The following IFT172 variants were observed in gnomAD, a reference collection of about 807,000 sequenced individuals.
The protein encoded by IFT172 is intraflagellar transport 172, also known as intraflagellar transport protein 172 homolog.
IFT172 carries 164 observed loss-of-function variants against 248.9 expected under a neutral mutation model. That is an observed-to-expected ratio of 0.66 (90% CI 0.58 to 0.75). The LOEUF is 0.75. IFT172 is among the 30% of genes least tolerant of loss of function. The probability of loss-of-function intolerance (pLI) is 0.00; values close to 1 mark genes in which losing one functional copy is unlikely to be tolerated. For missense variants in IFT172, 1,950 were observed against 2,192.4 expected (o/e 0.89, Z 2.21); for synonymous variants, 729 against 791.6 (o/e 0.92, Z 1.33).
At chr2:27,466,041 T>C (rs542911705) in intron 16 of IFT172, 159 bp from the exon 17 acceptor site, 1 of 795,188 alleles carries the variant, frequency 1.3e-6, no homozygotes, top group Non-Finnish European at 2.1e-6. Flanking sequence ...CATAAAAAAA[T>C]ACTTCATTTA....
chr2:27,483,599 CGTA>C lies in IFT172; in HGVS notation c.460_462del (p.Tyr154del). ...ACTCACTTTGTTGTCAGGGACACCA[CGTA>C]AGACTCTGTCCCATAGATGGTAGAT... On this transcript the variant is annotated inframe_deletion, in exon 6 of 48. Transcript: ENST00000260570. 6.2e-7 allele frequency: 1 copy of C among 1,614,088 alleles called. No individual in the cohort carries two copies. Among genetic ancestry groups the C allele is most frequent in the South Asian group, 1.1e-5 (1 of 91,076 alleles).
intron 17 of IFT172, 86 bp from the exon 18 acceptor site, chr2:27,465,604 G>C: frequency 6.5e-7 from 1 of 1,531,856 alleles, no homozygotes. Flanking sequence ...CAAGGGGAGG[G>C]GGAAGGGCCA....
rs1253953091 is a variant in IFT172, at chr2:27,476,742, T to G, written c.1326-16A>C. 6.4e-7 allele frequency: 1 copy of G among 1,572,052 alleles called. No individual in the cohort carries two copies. On this transcript the variant is annotated splice_polypyrimidine_tract_variant and intron_variant, in intron 13 of 47. Coordinates refer to ENST00000260570, the MANE Select transcript of IFT172 (RefSeq NM_015662.3). Reference sequence around the variant, plus strand: ...AATACGAACACTGAAACATGAAGGGTGAGGTAAGGCAAAATGGGCTGAGGT... The same window carrying G: ...AATACGAACACTGAAACATGAAGGGGGAGGTAAGGCAAAATGGGCTGAGGT...
chr2:27,463,067 GA>G (rs1666803064), intron 19 of IFT172, 29 bp downstream of exon 19: 2 of 1,605,722 alleles, frequency 1.2e-6, no homozygotes, highest in Non-Finnish European at 1.7e-6. Context: ...TTGGGAGACA[GA>G]CAGAATGAAT....
intron 35 of IFT172, among the ~76,000 whole-genome samples, chr2:27,451,743 G>A (rs1176650254): frequency 6.6e-6 from 1 of 152,128 alleles, no homozygotes; most frequent in Non-Finnish European, 1.5e-5. Flanking sequence ...TCCAGCCTGG[G>A]CGACAGAGCA....
intron 36 of IFT172, 84 bp from the exon 37 acceptor site, chr2:27,449,884 C>A: frequency 7.0e-7 from 1 of 1,418,984 alleles, no homozygotes; most frequent in Non-Finnish European, 9.8e-7. Context: ...TTCCCCAGGA[C>A]TGCAAGCCAT....
At chr2:27,488,160 T>A (rs192260491) in intron 1 of IFT172, among the ~76,000 whole-genome samples, 2,057 of 146,518 alleles carry the variant, frequency 0.014, 34 homozygotes, top group African/African-American at 0.017. Flanking sequence ...TTAAAAAAAA[T>A]TTTTTTTTTT....
In IFT172 at chr2:27,465,759, C is replaced by T. The variant is rs745938799; in HGVS notation, c.1816G>A (p.Gly606Ser). The stretch of plus-strand genomic sequence containing the variant: ...CCAGCCTCTCACCGGATGTAGTTGC[C>T]ATCATCAATGGCTGTTCCAAACTCG... ...LIEFGTAIDD[G>S]NYIRATAFLE... Residue 606 changes from glycine (G) to serine (S), a missense_variant, in exon 17 of 48, where the codon GGC becomes AGC. Coordinates refer to ENST00000260570, the MANE Select transcript of IFT172 (RefSeq NM_015662.3). 1.2e-6 allele frequency: 2 copies of T among 1,614,116 alleles called. No homozygotes were observed. The highest frequency in any genetic ancestry group is 1.3e-5 in the African/African-American group (1 of 75,008).
At position 27,472,260 on chromosome 2, in the gene IFT172, C is replaced by T. The variant is rs747777887; in HGVS notation, c.1514G>A (p.Arg505Gln). The change falls in exon 15 of 48, where the codon CGG becomes CAG. Residue 505 changes from arginine to glutamine, a missense_variant. By Grantham distance (43) the Arg-to-Gln change is conservative. Around this residue, in one of 3 missense-constraint regions of IFT172, gnomAD observed 1,166 missense variants for 1,254.1 expected, o/e 0.93. Coordinates refer to ENST00000260570, the MANE Select transcript of IFT172 (RefSeq NM_015662.3). ...AGTAGCTCTTCTCACACGAAGTTTC[C>T]GGTCCCTGAAGAGGAGCTTGTGTCC... ...ETGHKLLFRDRKLRLHLYDIE... is the reference protein window; with the variant it reads ...ETGHKLLFRDQKLRLHLYDIE... The T allele has an allele frequency of 9.3e-6, 15 of 1,613,524 alleles. No homozygotes were observed. The highest frequency in any genetic ancestry group is 4.4e-5 in the South Asian group (4 of 91,070).
intron 16 of IFT172, among the ~76,000 whole-genome samples, chr2:27,468,365 T>C (rs1204455649): frequency 6.6e-6 from 1 of 151,412 alleles, no homozygotes. Flanking sequence ...CTCGAGAAGG[T>C]AGGATTACAG....
At chr2:27,463,882 G>C (rs1314972354) in intron 18 of IFT172, among the ~76,000 whole-genome samples, 1 of 152,104 alleles carries the variant, frequency 6.6e-6, no homozygotes, top group Non-Finnish European at 1.5e-5. Flanking sequence ...CAAGCAGGAA[G>C]CTGGCATGAG....
chr2:27,478,416 C>G (rs1301701468), intron 10 of IFT172, among the ~76,000 whole-genome samples: 1 of 152,184 alleles, frequency 6.6e-6, no homozygotes, highest in Non-Finnish European at 1.5e-5. Flanking sequence ...ACCAATCACT[C>G]TATGTTCTCA....
chr2:27,449,439 G>GGA, intron 38 of IFT172, 59 bp from the exon 39 acceptor site: 2 of 1,612,862 alleles, frequency 1.2e-6, no homozygotes, highest in Non-Finnish European at 1.7e-6. Flanking sequence ...GAAAGAAGAG[G>GGA]GAGAGAGTCT....
intron 39 of IFT172, 42 bp from the exon 40 acceptor site, chr2:27,449,073 G>A (rs375680643): frequency 5.8e-5 from 73 of 1,249,552 alleles, no homozygotes; most frequent in Middle Eastern, 4.3e-4. Flanking sequence ...GGCTGGGATC[G>A]GCAAGACCAA....
chr2:27,484,969 C>T (rs780463468), intron 3 of IFT172, 49 bp downstream of exon 3: 15 of 1,085,570 alleles, frequency 1.4e-5, no homozygotes, highest in African/African-American at 6.3e-5. Context: ...ATTTCTCTTG[C>T]CTTCCCCTTC....
At chr2:27,450,808 C>T (rs1003875779) in intron 35 of IFT172, among the ~76,000 whole-genome samples, 1 of 152,140 alleles carries the variant, frequency 6.6e-6, no homozygotes, top group Admixed American at 6.5e-5. Context: ...CCAGGCTGGT[C>T]TCAAACTCCT....
At chr2:27,483,697 A>G in intron 5 of IFT172, 38 bp from the exon 6 acceptor site, 1 of 1,604,398 alleles carries the variant, frequency 6.2e-7, no homozygotes, top group South Asian at 1.1e-5. Flanking sequence ...TGGTTAGGCT[A>G]TTTTATATTT....
intron 16 of IFT172, 117 bp downstream of exon 16, chr2:27,470,811 T>A: frequency 9.9e-7 from 1 of 1,005,084 alleles, no homozygotes; most frequent in East Asian, 2.8e-5. Flanking sequence ...ATTTGCCAAT[T>A]CTATCACAGA....
chr2:27,484,054 G>T, intron 4 of IFT172, 117 bp from the exon 5 acceptor site: 1 of 1,275,440 alleles, frequency 7.8e-7, no homozygotes. Context: ...GAAGGACACA[G>T]CAGGGCTCTA....
Sources: allele counts gnomAD v4.1 joint callset (sites outside exome capture counted in the v4.1 genomes callset), GRCh38; gene constraint gnomAD v4.1.1; regional missense constraint gnomAD v4.1.1; transcripts MANE v1.5; gene names NCBI Gene and HGNC (gene_info 2026-07-23, HGNC 2026-07-21).